FER: variants seen among roughly 807,000 people sequenced by gnomAD.
FER encodes FER tyrosine kinase, also known as tyrosine-protein kinase Fer.
A neutral mutation model predicts 111.0 loss-of-function variants in FER; 63 were observed. The ratio of observed to expected loss-of-function variants is 0.57; its 90% CI spans 0.46 to 0.70. The LOEUF is 0.70. Ranked by LOEUF, FER falls within the 30% of genes least tolerant of loss-of-function variation. FER has a pLI of 0.00. For synonymous variants in FER, 327 were observed against 313.9 expected (o/e 1.04, Z -0.44); for missense variants, 914 against 954.0 (o/e 0.96, Z 0.55).
intron 10 of FER, among the ~76,000 whole-genome samples, chr5:108,904,751 G>T (rs1436727788): frequency 6.6e-6 from 1 of 152,060 alleles, no homozygotes; most frequent in African/African-American, 2.4e-5. Flanking sequence ...AGATTTTACT[G>T]TCAAAAAAGT....
intron 1 of FER, among the ~76,000 whole-genome samples, chr5:108,754,882 A>T (rs1433965790): frequency 6.6e-6 from 1 of 152,216 alleles, no homozygotes; most frequent in South Asian, 2.1e-4. Flanking sequence ...TTGCATTACC[A>T]TGAATAGAGC....
intron 3 of FER, among the ~76,000 whole-genome samples, chr5:108,808,001 T>G (rs1240766489): frequency 1.3e-5 from 2 of 152,068 alleles, no homozygotes; most frequent in East Asian, 3.8e-4. Flanking sequence ...ATTTAGTTTT[T>G]TTTTTTTTTA....
intron 13 of FER, among the ~76,000 whole-genome samples, chr5:109,015,790 GT>G (rs1373971284): frequency 1.3e-5 from 2 of 151,970 alleles, no homozygotes; most frequent in Non-Finnish European, 2.9e-5. Flanking sequence ...TTAAATTTTA[GT>G]TTTGAATGAG....
chr5:109,066,979 G>GTTAA (rs2149982270), intron 16 of FER, among the ~76,000 whole-genome samples: 1 of 152,276 alleles, frequency 6.6e-6, no homozygotes, highest in South Asian at 2.1e-4. Context: ...TGACATTTGT[G>GTTAA]TTAAGATCTG....
At chr5:108,992,063 G>C (rs1394954992) in intron 13 of FER, among the ~76,000 whole-genome samples, 2 of 151,888 alleles carry the variant, frequency 1.3e-5, no homozygotes, top group Non-Finnish European at 2.9e-5. Flanking sequence ...TTGAGGTTAG[G>C]GAGTGGTGAT....
At chr5:109,024,615 G>A (rs1273388452) in intron 13 of FER, among the ~76,000 whole-genome samples, 1 of 152,120 alleles carries the variant, frequency 6.6e-6, no homozygotes, top group East Asian at 1.9e-4. Flanking sequence ...GAAAAAGCCA[G>A]GAGTCTCATC....
At chr5:108,820,233 G>T in intron 3 of FER, 1 of 985,442 alleles carries the variant, frequency 1.0e-6, no homozygotes, top group South Asian at 4.7e-5. Flanking sequence ...AAGTCAAGGA[G>T]TTTGTGAGGA....
intron 13 of FER, among the ~76,000 whole-genome samples, chr5:109,010,889 G>GTATTTTGCCAAATACA (rs1381235286): frequency 1.3e-5 from 2 of 152,136 alleles, no homozygotes; most frequent in African/African-American, 4.8e-5. Flanking sequence ...TGGCAAAAGT[G>GTATTTTGCCAAATACA]AAATGAAATC....
chr5:108,970,844 A>G (rs901060845), intron 13 of FER, among the ~76,000 whole-genome samples: 1 of 152,134 alleles, frequency 6.6e-6, no homozygotes, highest in African/African-American at 2.4e-5. Flanking sequence ...TGGAAAGGTG[A>G]ATAATCTGAA....
At chr5:109,138,396 A>C (rs996863565) in intron 17 of FER, among the ~76,000 whole-genome samples, 1 of 152,184 alleles carries the variant, frequency 6.6e-6, no homozygotes, top group African/African-American at 2.4e-5. Flanking sequence ...TGGGAATCCA[A>C]GGTACAGCAT....
chr5:108,893,968 G>GT (rs561122699), intron 9 of FER, among the ~76,000 whole-genome samples: 32,862 of 137,502 alleles, frequency 0.24, 3,927 homozygotes, highest in African/African-American at 0.31. Context: ...AAGGAAAGAG[G>GT]TTTTTTTTTT....
At chr5:108,891,532 C>T (rs546496402) in intron 9 of FER, 4 of 151,862 alleles carry the variant, frequency 2.6e-5, no homozygotes, top group African/African-American at 9.6e-5. Context: ...CACTACTGCA[C>T]TTGACTAGTC....
At chr5:109,101,867 G>T (rs1038075528) in intron 17 of FER, among the ~76,000 whole-genome samples, 1 of 152,108 alleles carries the variant, frequency 6.6e-6, no homozygotes, top group Non-Finnish European at 1.5e-5. Flanking sequence ...GTATTGAGGT[G>T]CTTCAAATTC....
intron 2 of FER, among the ~76,000 whole-genome samples, chr5:108,774,903 C>G (rs1156958262): frequency 6.6e-6 from 1 of 152,062 alleles, no homozygotes; most frequent in Non-Finnish European, 1.5e-5. Context: ...TTAATTAGAT[C>G]CCATGTGTCA....
chr5:109,072,144 G>C (rs1267018275), intron 16 of FER, among the ~76,000 whole-genome samples: 1 of 151,432 alleles, frequency 6.6e-6, no homozygotes, highest in Non-Finnish European at 1.5e-5. Context: ...GATCTTTTAA[G>C]AAAATTGTTT....
At chr5:109,110,946 C>T (rs1264175034) in intron 17 of FER, among the ~76,000 whole-genome samples, 1 of 152,080 alleles carries the variant, frequency 6.6e-6, no homozygotes, top group Non-Finnish European at 1.5e-5. Context: ...GGACAGAGTA[C>T]CATTCCTCCT....
At chr5:108,955,057 C>A in intron 12 of FER, 125 bp downstream of exon 12, 1 of 720,688 alleles carries the variant, frequency 1.4e-6, no homozygotes, top group Non-Finnish European at 2.1e-6. Context: ...TAATTTTTTT[C>A]TGAATTTCTT....
At chr5:108,782,662 G>C (rs936310636) in intron 2 of FER, 1 of 151,912 alleles carries the variant, frequency 6.6e-6, no homozygotes, top group Non-Finnish European at 1.5e-5. Context: ...TTTTTTGGTA[G>C]AGATGGGGTC....
chr5:109,162,138 A>T (rs1375473156), intron 17 of FER, among the ~76,000 whole-genome samples: 1 of 152,000 alleles, frequency 6.6e-6, no homozygotes, highest in Non-Finnish European at 1.5e-5. Context: ...GGTCTAAAAT[A>T]TGTATGTACT....
Sources: gnomAD v4.1 joint callset for allele counts (sites outside exome capture counted in the v4.1 genomes callset) on GRCh38, gnomAD v4.1.1 for gene constraint, MANE v1.5 for transcripts, NCBI Gene and HGNC (gene_info 2026-07-23, HGNC 2026-07-21) for gene names.